Variants in VDAC1 observed in about 807,000 individuals in gnomAD.
VDAC1 encodes non-selective voltage-gated ion channel VDAC1.
Under a neutral mutation model 34.7 loss-of-function variants are expected in VDAC1, and 10 were observed. The ratio of observed to expected loss-of-function variants is 0.29; its 90% CI spans 0.18 to 0.49. VDAC1 has a LOEUF of 0.49. Ranked by LOEUF, VDAC1 falls within the 20% of genes least tolerant of loss-of-function variation. The probability of loss-of-function intolerance (pLI) is 0.99; values close to 1 mark genes in which losing one functional copy is unlikely to be tolerated. For synonymous variants in VDAC1, 130 were observed against 136.0 expected (o/e 0.96, Z 0.30); for missense variants, 230 against 347.9 (o/e 0.66, Z 2.69).
chr5:134,028,868 C>T, the VDAC1 span, among the ~76,000 whole-genome samples: 1 of 152,170 alleles, frequency 6.6e-6, no homozygotes, highest in South Asian at 2.1e-4. Flanking sequence ...TTTGACAATC[C>T]TCCCTTCAGA....
At chr5:134,046,768 T>C in the VDAC1 span, among the ~76,000 whole-genome samples, 2 of 152,202 alleles carry the variant, frequency 1.3e-5, no homozygotes, top group African/African-American at 4.8e-5. Context: ...AAAAATGTTG[T>C]ACACAGAGTG....
At chr5:133,978,060 C>G (rs565113159) in intron 6 of VDAC1, among the ~76,000 whole-genome samples, 1 of 152,116 alleles carries the variant, frequency 6.6e-6, no homozygotes, top group Admixed American at 6.5e-5. Context: ...AACTGTGAGT[C>G]AGAGCCCACG....
Position 133,979,424 on chromosome 5 carries a change from C to CTTTTTTTTTTTT in VDAC1, c.551+1293_551+1304dup, listed in dbSNP as rs71581380. 4.2e-4 allele frequency among the ~76,000 whole-genome samples: 34 copies of CTTTTTTTTTTTT among 81,000 alleles called. 2 individuals are homozygous for CTTTTTTTTTTTT. Among genetic ancestry groups the CTTTTTTTTTTTT allele is most frequent in the Non-Finnish European group, 5.5e-4 (26 of 47,418 alleles). The allele number at this position is 81,000 out of a possible 152,430, so 53.1% of individuals were successfully genotyped here. A position where few individuals can be genotyped will look rare whatever the true frequency, so the allele number is the denominator to read the frequency against. On this transcript the variant is annotated intron_variant, in intron 6 of 8. Coordinates refer to ENST00000265333, the MANE Select transcript of VDAC1 (RefSeq NM_003374.3). ...TATAATAAAATTGATATTTTCTTTG[C>CTTTTTTTTTTTT]TTTTTTTTTTTTTTTTTTTTTTTGA...
the VDAC1 span, among the ~76,000 whole-genome samples, chr5:134,068,966 C>CTGTGTGTG: frequency 0.097 from 13,265 of 136,506 alleles, 725 homozygotes; most frequent in Non-Finnish European, 0.12. Flanking sequence ...TGGGAGGTGA[C>CTGTGTGTG]TGTGTGTGTG....
the VDAC1 span, among the ~76,000 whole-genome samples, chr5:134,085,319 C>T: frequency 3.3e-5 from 5 of 151,938 alleles, no homozygotes; most frequent in Non-Finnish European, 5.9e-5. Flanking sequence ...CCGCCTGCCT[C>T]GGCCTCCCAA....
the VDAC1 span, among the ~76,000 whole-genome samples, chr5:134,038,329 T>C: frequency 6.6e-6 from 1 of 151,618 alleles, no homozygotes; most frequent in South Asian, 2.1e-4. Context: ...AACAGCAGGT[T>C]CAGAGGCCCC....
chr5:134,054,720 C>T, the VDAC1 span, among the ~76,000 whole-genome samples: 1 of 152,178 alleles, frequency 6.6e-6, no homozygotes, highest in South Asian at 2.1e-4. Flanking sequence ...CTTGGCCTCC[C>T]AATGTGCTGA....
chr5:134,067,627 G>A, the VDAC1 span, among the ~76,000 whole-genome samples: 1 of 142,012 alleles, frequency 7.0e-6, no homozygotes, highest in Non-Finnish European at 1.5e-5. Context: ...AAAGAAGAAG[G>A]AGGAGGAGAA....
the VDAC1 span, among the ~76,000 whole-genome samples, chr5:134,087,763 G>A: frequency 6.6e-6 from 1 of 151,946 alleles, no homozygotes; most frequent in Admixed American, 6.6e-5. Context: ...GGCTGAGGCA[G>A]GAGAATGACT....
At chr5:133,998,191 T>C (rs1328090398) in intron 1 of VDAC1, among the ~76,000 whole-genome samples, 1 of 152,120 alleles carries the variant, frequency 6.6e-6, no homozygotes. Flanking sequence ...TCTATGTTCA[T>C]GAATGGATGG....
Position 133,991,116 on chromosome 5 carries a change from G to T in VDAC1, c.156C>A (p.Thr52=). The T allele has an allele frequency of 6.2e-7, 1 of 1,613,294 alleles. No individual in the cohort carries two copies. Among genetic ancestry groups the T allele is most frequent in the South Asian group, 1.1e-5 (1 of 91,080 alleles). Residue 52 remains threonine, a synonymous_variant, in exon 4 of 9, where the codon ACC becomes ACA. Coordinates refer to ENST00000265333, the MANE Select transcript of VDAC1 (RefSeq NM_003374.3). The stretch of plus-strand genomic sequence containing the variant: ...TGGTTTCCAGACTGCCCGTCACTTT[G>T]GTGGTCTCAGTGTTGGCTGAGCCTG... ...TSSGSANTET[T]KVTGSLETKY...
At chr5:133,992,457 C>A in intron 2 of VDAC1, 102 bp from the exon 3 acceptor site, 1 of 822,202 alleles carries the variant, frequency 1.2e-6, no homozygotes, top group Non-Finnish European at 1.8e-6. Context: ...AAAAGAAGCA[C>A]ACTCCTGCCA....
At chr5:134,070,848 G>A in the VDAC1 span, among the ~76,000 whole-genome samples, 18 of 152,214 alleles carry the variant, frequency 1.2e-4, no homozygotes, top group East Asian at 3.5e-3. Context: ...ATACCTTTTT[G>A]CACGTATCTG....
intron 1 of VDAC1, among the ~76,000 whole-genome samples, chr5:133,996,590 T>C (rs1328141949): frequency 1.1e-5 from 1 of 87,278 alleles, no homozygotes; most frequent in Non-Finnish European, 2.2e-5. Flanking sequence ...ACCCCCAAAA[T>C]CACCTCTTTG....
intron 1 of VDAC1, among the ~76,000 whole-genome samples, chr5:134,001,184 A>C (rs889658845): frequency 9.9e-5 from 15 of 152,232 alleles, no homozygotes; most frequent in African/African-American, 3.6e-4. Flanking sequence ...GTGCAACTGC[A>C]ATGTGAGAGC....
the VDAC1 span, among the ~76,000 whole-genome samples, chr5:134,060,899 A>G: frequency 3.9e-4 from 4 of 10,258 alleles, no homozygotes; most frequent in Admixed American, 8.4e-4. Flanking sequence ...TTTTTTTGAG[A>G]CAGGGTCTCA....
the VDAC1 span, among the ~76,000 whole-genome samples, chr5:134,083,782 G>A: frequency 6.6e-6 from 1 of 152,230 alleles, no homozygotes; most frequent in African/African-American, 2.4e-5. Flanking sequence ...GTCCAGAGAG[G>A]GAGACAAGAG....
the VDAC1 span, among the ~76,000 whole-genome samples, chr5:134,062,888 A>G: frequency 4.8e-5 from 7 of 146,162 alleles, no homozygotes; most frequent in African/African-American, 9.8e-5. Flanking sequence ...CGGCCTCCCA[A>G]AGTGCTGGGA....
At chr5:134,051,935 T>C in the VDAC1 span, among the ~76,000 whole-genome samples, 1 of 152,016 alleles carries the variant, frequency 6.6e-6, no homozygotes. Context: ...TGAGCTCAGG[T>C]GATCCGCCCA....
Sources: gnomAD v4.1 joint callset for allele counts (sites outside exome capture counted in the v4.1 genomes callset) on GRCh38, gnomAD v4.1.1 for gene constraint, MANE v1.5 for transcripts, NCBI Gene and HGNC (gene_info 2026-07-23, HGNC 2026-07-21) for gene names.